MTMR7: variants seen among roughly 807,000 people sequenced by gnomAD.
The protein encoded by MTMR7 is myotubularin related protein 7.
Under a neutral mutation model 81.2 loss-of-function variants are expected in MTMR7, and 76 were observed. The ratio of observed to expected loss-of-function variants is 0.94; its 90% confidence interval spans 0.78 to 1.13. MTMR7 has a LOEUF of 1.13. Among genes scored for constraint, MTMR7 ranks in the 50% most tolerant of loss-of-function variants. The probability of loss-of-function intolerance (pLI) is 0.00; values close to 1 mark genes in which losing one functional copy is unlikely to be tolerated. For synonymous variants in MTMR7, 372 were observed against 289.8 expected, an observed-to-expected ratio of 1.28 and a Z score of -2.88; for missense variants, 1,044 against 820.0, an observed-to-expected ratio of 1.27 and a Z score of -3.34.
At chr8:17,326,431 G>A (rs1300325799) in intron 7 of MTMR7, 1 of 152,192 alleles carries the variant, frequency 6.6e-6, no homozygotes, top group African/African-American at 2.4e-5. Flanking sequence ...TGGTTATAAT[G>A]ATCCTTGCAG....
intron 3 of MTMR7, among the ~76,000 whole-genome samples, chr8:17,364,668 T>C (rs1424831919): frequency 1.3e-5 from 2 of 152,166 alleles, no homozygotes; most frequent in African/African-American, 2.4e-5. Flanking sequence ...TGAGAACATA[T>C]GGTATTTGTT....
chr8:17,344,214 C>G (rs1819489294), intron 5 of MTMR7, among the ~76,000 whole-genome samples: 1 of 152,130 alleles, frequency 6.6e-6, no homozygotes, highest in African/African-American at 2.4e-5. Flanking sequence ...ATAGGGAAGC[C>G]AAGATTTGAA....
At chr8:17,346,000 T>C (rs1412656514) in intron 5 of MTMR7, 1 of 152,244 alleles carries the variant, frequency 6.6e-6, no homozygotes, top group Non-Finnish European at 1.5e-5. Context: ...TCAGCAAATT[T>C]ATGGAATGTG....
intron 4 of MTMR7, among the ~76,000 whole-genome samples, chr8:17,351,693 C>G (rs1260692659): frequency 2.6e-5 from 4 of 152,168 alleles, no homozygotes; most frequent in Non-Finnish European, 4.4e-5. Flanking sequence ...AGCACTGGGT[C>G]TAGGGGAAAA....
chr8:17,337,346 G>A (rs926732631), intron 6 of MTMR7, among the ~76,000 whole-genome samples: 2 of 135,760 alleles, frequency 1.5e-5, no homozygotes, highest in Admixed American at 1.6e-4. Context: ...GCCTGGGGGC[G>A]AGTAAAACTC....
chr8:17,335,515 A>C (rs953142848), intron 6 of MTMR7, among the ~76,000 whole-genome samples: 8 of 152,168 alleles, frequency 5.3e-5, no homozygotes, highest in Admixed American at 6.5e-5. Flanking sequence ...CCACAGCTAC[A>C]TTTAATGCCT....
intron 4 of MTMR7, among the ~76,000 whole-genome samples, chr8:17,359,584 T>TA (rs11400421): frequency 0.67 from 90,771 of 135,574 alleles, 31,879 homozygotes; most frequent in Middle Eastern, 0.85. Context: ...CCTGTTTCCT[T>TA]AAAAAAAAAA....
intron 4 of MTMR7, among the ~76,000 whole-genome samples, chr8:17,352,543 C>G (rs555743088): frequency 6.6e-6 from 1 of 152,088 alleles, no homozygotes; most frequent in Non-Finnish European, 1.5e-5. Flanking sequence ...GGAGTTGGCA[C>G]TGATTTATTA....
intron 13 of MTMR7, chr8:17,301,825 G>A: frequency 2.7e-6 from 1 of 363,950 alleles, no homozygotes; most frequent in Non-Finnish European, 4.9e-6. Context: ...ACATATATTT[G>A]ATTTTATTCT....
rs36233628 is a variant in MTMR7, at chr8:17,405,835, TACACAC to T, written c.24+7428_24+7433del. ...AACAGGTTCTCATTCCCCAAAACTA[TACACAC>T]ACACACACACACACACACACACACA... On this transcript the variant is annotated intron_variant, in intron 1 of 13. Transcript: ENST00000180173. 7.0e-3 allele frequency among the ~76,000 whole-genome samples: 847 copies of T among 121,056 alleles called. 5 individuals carry two copies. Among genetic ancestry groups the T allele is most frequent in the African/African-American group, 0.02 (785 of 38,734 alleles). 79.4% of individuals were successfully genotyped at this position (121,056 alleles called of 152,430 possible).
chr8:17,302,290 A>G lies in MTMR7; in HGVS notation c.1494-10T>C, dbSNP rs1179686030. ...CATTCCACTCCAAAACCTGGAAAGG[A>G]TGGCAAAGCGTCGTGATACCACCTT... On this transcript the variant is annotated splice_polypyrimidine_tract_variant and intron_variant, in intron 12 of 13. Coordinates refer to ENST00000180173, the MANE Select transcript of MTMR7 (RefSeq NM_004686.5). 6.2e-7 allele frequency: 1 copy of G among 1,612,290 alleles called. No individual in the cohort carries two copies. Among genetic ancestry groups the G allele is most frequent in the Admixed American group, 1.7e-5 (1 of 59,652 alleles).
chr8:17,342,500 C>T (rs1819434203), intron 5 of MTMR7, among the ~76,000 whole-genome samples: 1 of 152,144 alleles, frequency 6.6e-6, no homozygotes, highest in South Asian at 2.1e-4. Context: ...GAAGGGGCAC[C>T]CCAACTCTTA....
At chr8:17,362,326 G>A (rs564439422) in intron 3 of MTMR7, among the ~76,000 whole-genome samples, 6 of 152,274 alleles carry the variant, frequency 3.9e-5, no homozygotes, top group Admixed American at 2.0e-4. Context: ...TTGCAGTAGC[G>A]CTGAACAGCT....
At chr8:17,408,531 G>T (rs1198817230) in intron 1 of MTMR7, among the ~76,000 whole-genome samples, 1 of 151,992 alleles carries the variant, frequency 6.6e-6, no homozygotes, top group African/African-American at 2.4e-5. Context: ...ACATCAAACT[G>T]AGAGAACTAC....
intron 12 of MTMR7, 92 bp downstream of exon 12, chr8:17,304,287 G>C: frequency 7.2e-7 from 1 of 1,395,384 alleles, no homozygotes; most frequent in Non-Finnish European, 9.8e-7. Flanking sequence ...AAGCCTCAAA[G>C]ATCAGTGTCA....
intron 3 of MTMR7, among the ~76,000 whole-genome samples, chr8:17,370,128 G>GTTT (rs201807333): frequency 7.0e-6 from 1 of 141,930 alleles, no homozygotes; most frequent in Admixed American, 7.1e-5. Context: ...ACCACATTAA[G>GTTT]TTTTTTTTTT....
At chr8:17,318,686 GTATT>G (rs1818226669) in intron 7 of MTMR7, among the ~76,000 whole-genome samples, 1 of 152,186 alleles carries the variant, frequency 6.6e-6, no homozygotes, top group Non-Finnish European at 1.5e-5. Flanking sequence ...TCTGCTACAG[GTATT>G]GTGCATGTTT....
At chr8:17,316,537 T>A (rs1426727214) in intron 7 of MTMR7, among the ~76,000 whole-genome samples, 1 of 151,630 alleles carries the variant, frequency 6.6e-6, no homozygotes, top group African/African-American at 2.4e-5. Context: ...ATAAGTGAAA[T>A]GGGCTGGGTC....
chr8:17,313,268 T>G, intron 8 of MTMR7, 24 bp downstream of exon 8: 1 of 1,560,826 alleles, frequency 6.4e-7, no homozygotes, highest in Non-Finnish European at 8.8e-7. Context: ...TGTCCCTTAA[T>G]TTATTTTCTC....
Sources: allele counts gnomAD v4.1 joint callset (sites outside exome capture counted in the v4.1 genomes callset), GRCh38; gene constraint gnomAD v4.1.1; transcripts MANE v1.5; gene names NCBI Gene and HGNC (gene_info 2026-07-23, HGNC 2026-07-21).